CDKAL1: variants seen among roughly 807,000 people sequenced by gnomAD.
CDKAL1 encodes the protein threonylcarbamoyladenosine tRNA methylthiotransferase.
A neutral mutation model predicts 68.2 loss-of-function variants in CDKAL1; 32 were observed. The observed-to-expected ratio is 0.47, with a 90% CI of 0.35 to 0.63. The LOEUF (loss-of-function observed/expected upper bound fraction) is 0.63. Ranked by LOEUF, CDKAL1 falls within the 30% of genes least tolerant of loss-of-function variation. The pLI, the probability that CDKAL1 is intolerant of heterozygous loss-of-function variation, is 0.00. For missense variants in CDKAL1, 606 were observed against 696.7 expected, an observed-to-expected ratio of 0.87 and a Z score of 1.47; for synonymous variants, 234 against 244.3, an observed-to-expected ratio of 0.96 and a Z score of 0.39.
chr6:20,551,896 T>A (rs1041555917), intron 4 of CDKAL1, among the ~76,000 whole-genome samples: 2 of 152,008 alleles, frequency 1.3e-5, no homozygotes, highest in African/African-American at 4.8e-5. Context: ...TTTATTGATT[T>A]ATATTTATTT....
chr6:21,121,615 A>G (rs1184785005), intron 13 of CDKAL1, among the ~76,000 whole-genome samples: 1 of 152,244 alleles, frequency 6.6e-6, no homozygotes, highest in Non-Finnish European at 1.5e-5. Flanking sequence ...TAAGTGCTCA[A>G]TAAATGACTA....
chr6:20,592,127 G>T (rs71563969), intron 4 of CDKAL1, among the ~76,000 whole-genome samples: 4 of 152,018 alleles, frequency 2.6e-5, no homozygotes, highest in African/African-American at 4.8e-5. Context: ...TATTCTCCTT[G>T]TAGCAATTGT....
intron 5 of CDKAL1, among the ~76,000 whole-genome samples, chr6:20,717,765 A>G (rs971627409): frequency 6.6e-6 from 1 of 152,200 alleles, no homozygotes; most frequent in Non-Finnish European, 1.5e-5. Context: ...TCCCTGGGCC[A>G]CATAGGGCAT....
intron 7 of CDKAL1, among the ~76,000 whole-genome samples, chr6:20,778,918 C>T (rs903907107): frequency 6.6e-6 from 1 of 152,094 alleles, no homozygotes; most frequent in Non-Finnish European, 1.5e-5. Flanking sequence ...CTCACAGAGA[C>T]GTTCAGAATA....
At chr6:20,667,694 A>G (rs890156402) in intron 5 of CDKAL1, among the ~76,000 whole-genome samples, 1 of 143,232 alleles carries the variant, frequency 7.0e-6, no homozygotes, top group Non-Finnish European at 1.5e-5. Flanking sequence ...TTACTTTCAT[A>G]AGGTGGCTGC....
chr6:21,133,839 A>G (rs964791563), intron 13 of CDKAL1, among the ~76,000 whole-genome samples: 2 of 152,240 alleles, frequency 1.3e-5, no homozygotes, highest in African/African-American at 4.8e-5. Flanking sequence ...ATTAAGAGAA[A>G]GAAGGCCATG....
rs185594291 is a variant in CDKAL1, at chr6:20,681,519, A to G, written c.371+32142A>G. 5.3e-5 allele frequency among the ~76,000 whole-genome samples: 8 copies of G among 152,326 alleles called. No homozygotes were observed. In the East Asian group the frequency reaches 1.5e-3, roughly 29 times the overall value. ...GTTCTCATCTGTTATTTGATAGGAA[A>G]GACAGTGTGACTGTTATCAGTTTAC... On this transcript the variant is annotated intron_variant, in intron 5 of 15. Transcript: ENST00000274695.
intron 7 of CDKAL1, among the ~76,000 whole-genome samples, chr6:20,777,333 C>A (rs971899562): frequency 7.2e-5 from 11 of 152,084 alleles, no homozygotes; most frequent in African/African-American, 2.7e-4. Flanking sequence ...ACAACATAGG[C>A]CAGGTGCAGT....
chr6:20,656,405 T>C (rs951701375), intron 5 of CDKAL1, among the ~76,000 whole-genome samples: 2 of 151,662 alleles, frequency 1.3e-5, no homozygotes, highest in Non-Finnish European at 2.9e-5. Context: ...TAGGGTCAAG[T>C]TTAGGAGCAG....
rs180995499 is a variant in CDKAL1, at chr6:21,019,825, C to T, written c.1055+19453C>T. 6.6e-5 allele frequency among the ~76,000 whole-genome samples: 10 copies of T among 152,202 alleles called. No homozygotes were observed. In the East Asian group the frequency reaches 1.7e-3, roughly 26 times the overall value. ...CAAGCCACTAGGAGATGCTAAATAA[C>T]ACTATGGCTATTTAGTTTACTTTTT... On this transcript the variant is annotated intron_variant, in intron 11 of 15. Transcript: ENST00000274695.
intron 4 of CDKAL1, among the ~76,000 whole-genome samples, chr6:20,593,192 T>A (rs1342600513): frequency 1.3e-5 from 2 of 152,146 alleles, no homozygotes; most frequent in Non-Finnish European, 1.5e-5. Context: ...ATAAAATGAG[T>A]TAGGGAGGAG....
rs948780607 is a variant in CDKAL1, at chr6:21,011,528, T to G, written c.1055+11156T>G. Among the ~76,000 whole-genome samples, 5 of 152,244 alleles carry G rather than the reference T, an allele frequency of 3.3e-5. No homozygotes were observed. The South Asian group carries it at 1.0e-3, about 32-fold the overall frequency. On this transcript the variant is annotated intron_variant, in intron 11 of 15. Coordinates refer to ENST00000274695, the MANE Select transcript of CDKAL1 (RefSeq NM_017774.3). ...TGGTTATAGACCGTGTGTCTGGCAC[T>G]TGTTAGGTATAGAATATTAAGAGAT...
chr6:20,828,599 A>G (rs1369481275), intron 8 of CDKAL1, among the ~76,000 whole-genome samples: 1 of 152,174 alleles, frequency 6.6e-6, no homozygotes, highest in Non-Finnish European at 1.5e-5. Context: ...ATCTTTAGGT[A>G]ATTGGTGAAC....
intron 10 of CDKAL1, among the ~76,000 whole-genome samples, chr6:20,973,065 C>T (rs1483296010): frequency 2.5e-5 from 3 of 121,696 alleles, no homozygotes; most frequent in East Asian, 5.0e-4. Flanking sequence ...GCAATAAGAG[C>T]GAAACTCCGT....
chr6:21,119,841 A>G (rs1041342938), intron 13 of CDKAL1, among the ~76,000 whole-genome samples: 2 of 152,100 alleles, frequency 1.3e-5, no homozygotes, highest in African/African-American at 2.4e-5. Context: ...ACTAGGTTCA[A>G]TCCAAGGTTC....
intron 8 of CDKAL1, among the ~76,000 whole-genome samples, chr6:20,781,578 T>A (rs1775432965): frequency 6.6e-6 from 1 of 152,204 alleles, no homozygotes; most frequent in African/African-American, 2.4e-5. Context: ...GTTGAATGAT[T>A]AAGACACTTG....
chr6:21,101,850 C>T (rs913902552), intron 12 of CDKAL1, among the ~76,000 whole-genome samples: 2 of 151,882 alleles, frequency 1.3e-5, no homozygotes, highest in Admixed American at 6.5e-5. Flanking sequence ...TCTCTGTACT[C>T]CTATCTAATC....
At chr6:20,981,613 G>A (rs564938005) in intron 10 of CDKAL1, among the ~76,000 whole-genome samples, 2 of 152,208 alleles carry the variant, frequency 1.3e-5, no homozygotes, top group Non-Finnish European at 2.9e-5. Flanking sequence ...AGGCCAAGAC[G>A]GGTGGATCAC....
intron 9 of CDKAL1, among the ~76,000 whole-genome samples, chr6:20,909,883 T>A (rs1213567287): frequency 6.6e-6 from 1 of 152,128 alleles, no homozygotes; most frequent in East Asian, 1.9e-4. Context: ...TTAGCGGGTT[T>A]GCACCTGGCA....
Sources: gnomAD v4.1 joint callset for allele counts (sites outside exome capture counted in the v4.1 genomes callset) on GRCh38, gnomAD v4.1.1 for gene constraint, MANE v1.5 for transcripts, NCBI Gene and HGNC (gene_info 2026-07-23, HGNC 2026-07-21) for gene names.